RHPN2: variants seen among roughly 807,000 people sequenced by gnomAD.
RHPN2 encodes rhophilin-2.
RHPN2 carries 40 observed loss-of-function variants against 79.0 expected under a neutral mutation model. The ratio of observed to expected loss-of-function variants is 0.51; its 90% CI spans 0.39 to 0.66. The LOEUF (loss-of-function observed/expected upper bound fraction) is 0.66, where lower values mean the gene tolerates loss of function less well. RHPN2 is among the 30% of genes least tolerant of loss of function. The pLI, the probability that RHPN2 is intolerant of heterozygous loss-of-function variation, is 0.00. For synonymous variants in RHPN2, 285 were observed against 363.5 expected (o/e 0.78, Z 2.46); for missense variants, 686 against 883.5 (o/e 0.78, Z 2.83).
chr19:33,002,470 G>A, intron 8 of RHPN2, 67 bp from the exon 9 acceptor site: 1 of 1,593,458 alleles, frequency 6.3e-7, no homozygotes, highest in East Asian at 2.2e-5. Context: ...CATTTGCAGA[G>A]AAAGAGCCCT....
chr19:33,042,548 T>G (rs936713461), intron 2 of RHPN2, among the ~76,000 whole-genome samples: 25 of 152,260 alleles, frequency 1.6e-4, no homozygotes, highest in African/African-American at 4.6e-4. Context: ...ACAACCTGCT[T>G]TGCACCCAGT....
chr19:33,055,480 C>A (rs886769082), intron 1 of RHPN2, among the ~76,000 whole-genome samples: 6 of 151,952 alleles, frequency 3.9e-5, no homozygotes, highest in Non-Finnish European at 7.4e-5. Context: ...CTCAAGGGTC[C>A]AAGGGGATGG....
chr19:33,021,877 T>G (rs555453751), intron 3 of RHPN2, among the ~76,000 whole-genome samples: 1 of 152,242 alleles, frequency 6.6e-6, no homozygotes, highest in Admixed American at 6.6e-5. Flanking sequence ...TCCTAACACA[T>G]CAGGCCCCTG....
intron 14 of RHPN2, among the ~76,000 whole-genome samples, chr19:32,982,196 C>T (rs1971580371): frequency 6.6e-6 from 1 of 151,950 alleles, no homozygotes; most frequent in Non-Finnish European, 1.5e-5. Flanking sequence ...TCACTTGAGG[C>T]CAGGAGTTCA....
rs533277647 is a variant in RHPN2, at chr19:33,009,475, A to G, written c.594-1295T>C. On this transcript the variant is annotated intron_variant, in intron 6 of 14. Coordinates refer to ENST00000254260, the MANE Select transcript of RHPN2 (RefSeq NM_033103.5). ...GTTTTACTTTTTATTTTTTCAGACAAAGTCTCACTCTGTTGCCTAGGCTGG... is the reference window on the plus strand; with the variant it reads ...GTTTTACTTTTTATTTTTTCAGACAGAGTCTCACTCTGTTGCCTAGGCTGG... Among the ~76,000 whole-genome samples the G allele has an allele frequency of 2.7e-3, 417 of 152,204 alleles. 2 individuals are homozygous for G. Among genetic ancestry groups the G allele is most frequent in the Non-Finnish European group, 5.0e-3 (340 of 67,998 alleles).
chr19:33,038,666 T>G (rs1972076914), intron 2 of RHPN2, among the ~76,000 whole-genome samples: 3 of 151,888 alleles, frequency 2.0e-5, no homozygotes, highest in African/African-American at 4.8e-5. Context: ...TTTTCTTTTC[T>G]TTTTGTTAAG....
intron 4 of RHPN2, among the ~76,000 whole-genome samples, chr19:33,017,489 G>C (rs1418626822): frequency 6.6e-6 from 1 of 152,024 alleles, no homozygotes; most frequent in Non-Finnish European, 1.5e-5. Flanking sequence ...GGATTGTTTT[G>C]AGTCCCACAG....
intron 2 of RHPN2, among the ~76,000 whole-genome samples, chr19:33,034,624 T>C (rs113435219): frequency 3.8e-5 from 3 of 78,630 alleles, no homozygotes; most frequent in East Asian, 6.7e-4. Flanking sequence ...AAAAAAAAAA[T>C]ACAAAAGTTA....
chr19:33,001,749 G>C (rs1161482622), intron 9 of RHPN2, among the ~76,000 whole-genome samples: 1 of 151,980 alleles, frequency 6.6e-6, no homozygotes, highest in Non-Finnish European at 1.5e-5. Flanking sequence ...TAGGATTAGA[G>C]GCACGTGCCA....
At chr19:33,031,247 T>TCTATTCTATTCTATA (rs1972009054) in intron 2 of RHPN2, among the ~76,000 whole-genome samples, 1 of 151,828 alleles carries the variant, frequency 6.6e-6, no homozygotes, top group Admixed American at 6.6e-5. Flanking sequence ...TCTATTCTAT[T>TCTATTCTATTCTATA]CTATTCTACT....
chr19:33,036,852 G>T (rs1046445380), intron 2 of RHPN2, among the ~76,000 whole-genome samples: 1 of 150,658 alleles, frequency 6.6e-6, no homozygotes, highest in African/African-American at 2.5e-5. Context: ...CTCAGCACCT[G>T]TAGCCCGCCA....
chr19:33,003,715 C>T (rs1391951888), intron 7 of RHPN2, among the ~76,000 whole-genome samples: 2 of 152,116 alleles, frequency 1.3e-5, no homozygotes, highest in African/African-American at 4.8e-5. Context: ...TGAAACAAGC[C>T]AGTCACAAAA....
At chr19:33,023,688 G>A (rs1971942976) in intron 3 of RHPN2, among the ~76,000 whole-genome samples, 1 of 151,732 alleles carries the variant, frequency 6.6e-6, no homozygotes, top group East Asian at 2.0e-4. Flanking sequence ...GGGAGGCTGA[G>A]GCAGGAGAAT....
At chr19:33,018,904 G>A (rs1437684364) in intron 4 of RHPN2, among the ~76,000 whole-genome samples, 1 of 151,688 alleles carries the variant, frequency 6.6e-6, no homozygotes, top group Non-Finnish European at 1.5e-5. Context: ...GATGGCGGGT[G>A]CCTGTAATCC....
At chr19:33,048,844 T>C (rs941092242) in intron 1 of RHPN2, among the ~76,000 whole-genome samples, 1 of 152,040 alleles carries the variant, frequency 6.6e-6, no homozygotes, top group Non-Finnish European at 1.5e-5. Context: ...TCAGTTTGAC[T>C]CTGAATTACC....
intron 14 of RHPN2, among the ~76,000 whole-genome samples, chr19:32,988,219 A>AAC (rs1971626945): frequency 2.0e-5 from 3 of 146,508 alleles, no homozygotes; most frequent in East Asian, 2.0e-4. Flanking sequence ...CAACAAAAAA[A>AAC]AAAACAAAAC....
chr19:33,042,184 C>T (rs565155282), intron 2 of RHPN2, among the ~76,000 whole-genome samples: 145 of 114,362 alleles, frequency 1.3e-3, no homozygotes, highest in African/African-American at 7.2e-3. Flanking sequence ...AGTGAAACTC[C>T]ATCTCAAAAA....
chr19:33,024,373 C>T (rs1411323963), intron 3 of RHPN2, among the ~76,000 whole-genome samples: 4 of 152,044 alleles, frequency 2.6e-5, no homozygotes, highest in African/African-American at 7.2e-5. Context: ...GCGGAGGTTG[C>T]GGTGAGCCGA....
intron 11 of RHPN2, 69 bp from the exon 12 acceptor site, chr19:32,994,122 G>A: frequency 8.4e-7 from 1 of 1,183,636 alleles, no homozygotes; most frequent in Non-Finnish European, 1.3e-6. Context: ...ATAGTCCAGT[G>A]TTGTGGCTCA....
Sources: gnomAD v4.1 joint callset for allele counts (sites outside exome capture counted in the v4.1 genomes callset) on GRCh38, gnomAD v4.1.1 for gene constraint, MANE v1.5 for transcripts, NCBI Gene and HGNC (gene_info 2026-07-23, HGNC 2026-07-21) for gene names.